The following CNTN3 variants were observed in gnomAD, a reference collection of about 807,000 sequenced individuals.
The protein encoded by CNTN3 is contactin-3.
In CNTN3, 60 loss-of-function variants were observed where a neutral mutation model predicts 119.1. The observed-to-expected ratio is 0.50, with a 90% CI of 0.41 to 0.62. CNTN3 has a LOEUF of 0.62. Among genes scored for constraint, CNTN3 ranks in the 20% least tolerant of loss-of-function variants. CNTN3 has a pLI of 0.00. For missense variants in CNTN3, 1,101 were observed against 1,242.4 expected, an observed-to-expected ratio of 0.89 and a Z score of 1.71; for synonymous variants, 450 against 438.7, an observed-to-expected ratio of 1.03 and a Z score of -0.32.
intron 1 of CNTN3, among the ~76,000 whole-genome samples, chr3:74,576,684 T>G (rs1704422915): frequency 6.6e-6 from 1 of 152,128 alleles, no homozygotes; most frequent in Non-Finnish European, 1.5e-5. Context: ...AGATTGTAAT[T>G]TTAAATTTAT....
At chr3:74,556,094 G>A (rs1308540673) in intron 1 of CNTN3, among the ~76,000 whole-genome samples, 2 of 152,070 alleles carry the variant, frequency 1.3e-5, no homozygotes, top group Non-Finnish European at 2.9e-5. Context: ...CTTGTAGCTT[G>A]TCTTCTTATT....
At chr3:74,381,064 T>C (rs1387500876) in intron 5 of CNTN3, among the ~76,000 whole-genome samples, 1 of 143,792 alleles carries the variant, frequency 7.0e-6, no homozygotes, top group African/African-American at 2.6e-5. Context: ...TTTTTTTTTT[T>C]CTCTCTCTCT....
At chr3:74,507,673 G>A (rs771911773) in intron 2 of CNTN3, among the ~76,000 whole-genome samples, 9 of 127,130 alleles carry the variant, frequency 7.1e-5, no homozygotes, top group Non-Finnish European at 1.6e-5. Flanking sequence ...GTTCTGTCAC[G>A]CAGGCTGCAG....
At chr3:74,554,876 C>A (rs1178399134) in intron 1 of CNTN3, among the ~76,000 whole-genome samples, 8 of 152,212 alleles carry the variant, frequency 5.3e-5, no homozygotes, top group African/African-American at 1.7e-4. Context: ...AATTTGACTT[C>A]TTCTCTTCCT....
intron 5 of CNTN3, among the ~76,000 whole-genome samples, chr3:74,404,918 C>T (rs968704568): frequency 3.3e-5 from 5 of 151,980 alleles, no homozygotes; most frequent in Non-Finnish European, 7.4e-5. Context: ...AGAAGGAAAA[C>T]CACTCTAGTC....
chr3:74,340,923 A>C (rs1186006054), intron 11 of CNTN3, among the ~76,000 whole-genome samples: 1 of 152,180 alleles, frequency 6.6e-6, no homozygotes, highest in African/African-American at 2.4e-5. Context: ...CTAAGTTTCC[A>C]CTACAAATAC....
chr3:74,503,435 G>A lies in CNTN3; in HGVS notation c.56-3650C>T, dbSNP rs573172712. 1.3e-4 allele frequency among the ~76,000 whole-genome samples: 20 copies of A among 152,184 alleles called. 1 individual carries two copies. Among genetic ancestry groups the A allele is most frequent in the African/African-American group, 4.8e-4 (20 of 41,518 alleles). ...ACAAAATAATAATCAAACGTGACAG[G>A]TCAGTGCATGCTTCATACTCAGAAA... On this transcript the variant is annotated intron_variant, in intron 2 of 22. Transcript: ENST00000263665.
At chr3:74,607,802 A>T (rs1284801541) in intron 1 of CNTN3, among the ~76,000 whole-genome samples, 2 of 152,194 alleles carry the variant, frequency 1.3e-5, no homozygotes, top group African/African-American at 2.4e-5. Flanking sequence ...GTGTATGCTG[A>T]CATGGAAATG....
Position 74,299,772 on chromosome 3 carries a change from A to C in CNTN3, c.2166+96T>G, listed in dbSNP as rs530663977. 1.6e-5 allele frequency: 15 copies of C among 937,964 alleles called. No homozygotes were observed. In the South Asian group the frequency reaches 2.6e-4, roughly 16 times the overall value. 58.1% of individuals were successfully genotyped at this position (937,964 alleles called of 1,614,324 possible). ...CACCAGCCACACCCCCAGCACTACC[A>C]CCACCACCTGCACCATTGGCACCAC... On this transcript the variant is annotated intron_variant, in intron 17 of 22. Transcript: ENST00000263665.
chr3:74,552,990 G>A (rs772030085), intron 1 of CNTN3, among the ~76,000 whole-genome samples: 1 of 152,090 alleles, frequency 6.6e-6, no homozygotes, highest in African/African-American at 2.4e-5. Flanking sequence ...AGAACGTGCA[G>A]TTTTGTTACA....
chr3:74,299,854 G>GC lies in CNTN3; in HGVS notation c.2166+13dup, dbSNP rs773090207. 1.7e-5 allele frequency: 28 copies of GC among 1,602,376 alleles called. No individual in the cohort carries two copies. The East Asian group carries it at 6.3e-4, about 36-fold the overall frequency. On this transcript the variant is annotated intron_variant, in intron 17 of 22. Transcript: ENST00000263665. The stretch of plus-strand genomic sequence containing the variant: ...GCAAGACCCTGATGGGGAAGATGCT[G>GC]CCCAAACACTTACATCCCAGGTTAT...
At chr3:74,390,008 C>T (rs560180849) in intron 5 of CNTN3, among the ~76,000 whole-genome samples, 90 of 152,304 alleles carry the variant, frequency 5.9e-4, no homozygotes, top group Non-Finnish European at 1.2e-3. Flanking sequence ...TAAACCTTTG[C>T]CTTTCTTCAG....
At chr3:74,454,246 A>G (rs1702218794) in intron 4 of CNTN3, among the ~76,000 whole-genome samples, 1 of 132,992 alleles carries the variant, frequency 7.5e-6, no homozygotes, top group African/African-American at 2.8e-5. Context: ...TGTTGAATTG[A>G]TCCCTTTACC....
intron 5 of CNTN3, among the ~76,000 whole-genome samples, chr3:74,410,521 G>T (rs887066984): frequency 6.6e-6 from 1 of 152,120 alleles, no homozygotes; most frequent in Non-Finnish European, 1.5e-5. Context: ...AGAATCCTGG[G>T]GGATGTTAGT....
intron 1 of CNTN3, among the ~76,000 whole-genome samples, chr3:74,588,513 G>A (rs1398622217): frequency 6.6e-6 from 1 of 151,996 alleles, no homozygotes; most frequent in Non-Finnish European, 1.5e-5. Flanking sequence ...TCAATATCAT[G>A]AAAATGGCCA....
At chr3:74,585,553 T>A (rs1222799248) in intron 1 of CNTN3, among the ~76,000 whole-genome samples, 1 of 152,166 alleles carries the variant, frequency 6.6e-6, no homozygotes, top group African/African-American at 2.4e-5. Flanking sequence ...CTGAATCATA[T>A]TTCATATTTG....
intron 1 of CNTN3, among the ~76,000 whole-genome samples, chr3:74,590,868 C>A (rs1026116190): frequency 6.6e-6 from 1 of 152,002 alleles, no homozygotes; most frequent in Non-Finnish European, 1.5e-5. Context: ...ACCCAGTCAA[C>A]AACTTGACTC....
rs1445881189 is a variant in CNTN3 at position 74,388,687 on chromosome 3, C to G, written c.455-17288G>C. On this transcript the variant is annotated intron_variant, in intron 5 of 22. Coordinates refer to ENST00000263665, the MANE Select transcript of CNTN3 (RefSeq NM_020872.3). ...AATATACCCTACCCTTTTTTCTTCACAGGGCATCCCACAAAATTGCCTACA... is the reference window on the plus strand; with the variant it reads ...AATATACCCTACCCTTTTTTCTTCAGAGGGCATCCCACAAAATTGCCTACA... Among the ~76,000 whole-genome samples the G allele has an allele frequency of 2.0e-5, 3 of 151,844 alleles. No individual in the cohort carries two copies. The South Asian group carries it at 6.2e-4, about 31-fold the overall frequency.
intron 4 of CNTN3, among the ~76,000 whole-genome samples, chr3:74,458,293 G>T (rs1359963151): frequency 1.3e-5 from 2 of 151,874 alleles, no homozygotes; most frequent in Non-Finnish European, 2.9e-5. Context: ...ATATACCTGG[G>T]GCTAATGGTT....
Sources: allele counts gnomAD v4.1 joint callset (sites outside exome capture counted in the v4.1 genomes callset), GRCh38; gene constraint gnomAD v4.1.1; transcripts MANE v1.5; gene names NCBI Gene and HGNC (gene_info 2026-07-23, HGNC 2026-07-21).